DLG2: variants seen among roughly 807,000 people sequenced by gnomAD.
The protein encoded by DLG2 is disks large homolog 2.
Under a neutral mutation model 132.5 loss-of-function variants are expected in DLG2, and 45 were observed. That is an observed-to-expected ratio of 0.34 (90% confidence interval 0.27 to 0.44). DLG2 has a LOEUF of 0.44. DLG2 is among the 20% of genes least tolerant of loss of function. The pLI is 1.00. For missense variants in DLG2, 1,045 were observed against 1,196.9 expected (o/e 0.87, Z 1.87); for synonymous variants, 424 against 419.6 (o/e 1.01, Z -0.13).
Position 83,645,378 on chromosome 11 carries a change from A to G in DLG2, c.1826-12053T>C, listed in dbSNP as rs78556749. Among the ~76,000 whole-genome samples, 891 of 152,262 alleles carry G rather than the reference A, an allele frequency of 5.9e-3. 8 individuals carry two copies. Among genetic ancestry groups the G allele is most frequent in the African/African-American group, 0.019 (788 of 41,576 alleles). On this transcript the variant is annotated intron_variant, in intron 18 of 27. Transcript: ENST00000376104. ...TTGAAGCAATTTATACACTTTAACA[A>G]TTGAAGCAATTTATACACCAGAGCC...
intron 11 of DLG2, among the ~76,000 whole-genome samples, chr11:84,052,351 C>G (rs1327007103): frequency 6.6e-6 from 1 of 151,680 alleles, no homozygotes; most frequent in East Asian, 1.9e-4. Context: ...TCTGGAATCG[C>G]TAAATATTAA....
chr11:84,182,974 A>C (rs75785273), intron 8 of DLG2, among the ~76,000 whole-genome samples: 2,845 of 152,294 alleles, frequency 0.019, 63 homozygotes, highest in African/African-American at 0.063. Context: ...TTATGCTGGC[A>C]AATTTTATAA....
intron 6 of DLG2, among the ~76,000 whole-genome samples, chr11:84,766,361 T>C (rs565068693): frequency 7.5e-4 from 114 of 152,194 alleles, no homozygotes; most frequent in African/African-American, 2.7e-3. Context: ...ATTTTACATC[T>C]ATTTGAAATT....
At chr11:83,877,015 C>CT (rs1209503695) in intron 15 of DLG2, among the ~76,000 whole-genome samples, 1 of 151,988 alleles carries the variant, frequency 6.6e-6, no homozygotes, top group Non-Finnish European at 1.5e-5. Flanking sequence ...ATATCAATTA[C>CT]TTTTTTCTTA....
chr11:85,467,658 G>T (rs1455653705), intron 3 of DLG2, among the ~76,000 whole-genome samples: 1 of 152,170 alleles, frequency 6.6e-6, no homozygotes, highest in Non-Finnish European at 1.5e-5. Flanking sequence ...CAGGGATGAA[G>T]CCCACTTGAT....
At chr11:84,237,659 C>A (rs1034901981) in intron 8 of DLG2, among the ~76,000 whole-genome samples, 2 of 152,160 alleles carry the variant, frequency 1.3e-5, no homozygotes, top group Non-Finnish European at 1.5e-5. Context: ...GTTCATCCAG[C>A]TCTTCGTGTA....
chr11:85,031,474 T>A (rs183130650), intron 6 of DLG2, among the ~76,000 whole-genome samples: 14 of 152,302 alleles, frequency 9.2e-5, no homozygotes, highest in African/African-American at 3.4e-4. Flanking sequence ...TTTATATGTT[T>A]GGTTTGGTCC....
At chr11:85,026,030 T>C (rs908234806) in intron 6 of DLG2, among the ~76,000 whole-genome samples, 2 of 152,062 alleles carry the variant, frequency 1.3e-5, no homozygotes, top group African/African-American at 2.4e-5. Context: ...CAAAAAAATT[T>C]TGAAGTTATT....
At chr11:83,890,201 T>C (rs904953506) in intron 15 of DLG2, among the ~76,000 whole-genome samples, 2 of 152,148 alleles carry the variant, frequency 1.3e-5, no homozygotes, top group Non-Finnish European at 2.9e-5. Flanking sequence ...GATTTTCGTA[T>C]GCCAGCTAGG....
intron 6 of DLG2, among the ~76,000 whole-genome samples, chr11:84,618,250 G>A (rs996684335): frequency 2.6e-5 from 4 of 151,966 alleles, no homozygotes; most frequent in Admixed American, 2.0e-4. Flanking sequence ...TTACTAAAGG[G>A]ATTGTACTTA....
intron 4 of DLG2, among the ~76,000 whole-genome samples, chr11:85,278,524 T>G (rs1437741426): frequency 6.6e-6 from 1 of 151,848 alleles, no homozygotes; most frequent in Non-Finnish European, 1.5e-5. Flanking sequence ...CGCTTGAACC[T>G]GGGAGGTGGA....
intron 12 of DLG2, 52 bp downstream of exon 12, chr11:83,980,454 G>A (rs549838261): frequency 6.4e-7 from 1 of 1,568,272 alleles, no homozygotes; most frequent in South Asian, 1.2e-5. Context: ...TCATACACTG[G>A]AAAACAAGAG....
intron 6 of DLG2, among the ~76,000 whole-genome samples, chr11:84,731,779 G>C (rs552718449): frequency 6.6e-6 from 1 of 152,076 alleles, no homozygotes; most frequent in African/African-American, 2.4e-5. Context: ...TATTGGCGTA[G>C]AACTGACATA....
At chr11:84,736,807 CAT>C (rs1301356194) in intron 6 of DLG2, among the ~76,000 whole-genome samples, 1 of 151,936 alleles carries the variant, frequency 6.6e-6, no homozygotes, top group Non-Finnish European at 1.5e-5. Context: ...TCAGATATGA[CAT>C]GTCATCTGTA....
At chr11:84,502,128 C>CCTT (rs1291451611) in intron 7 of DLG2, among the ~76,000 whole-genome samples, 1 of 80,320 alleles carries the variant, frequency 1.2e-5, no homozygotes, top group Non-Finnish European at 2.8e-5. Flanking sequence ...CTCTCTTTCT[C>CCTT]TCTTTCTCCT....
chr11:84,175,797 A>G (rs2095947056), intron 8 of DLG2, among the ~76,000 whole-genome samples: 1 of 152,080 alleles, frequency 6.6e-6, no homozygotes, highest in South Asian at 2.1e-4. Context: ...TGCTTGTTAC[A>G]ATAAAGGTCA....
intron 3 of DLG2, among the ~76,000 whole-genome samples, chr11:85,588,045 G>C (rs1446645367): frequency 6.6e-6 from 1 of 152,134 alleles, no homozygotes; most frequent in Non-Finnish European, 1.5e-5. Flanking sequence ...CTGGCTTATA[G>C]GGTTTCTGCT....
chr11:84,966,804 A>G (rs1200876071), intron 6 of DLG2, among the ~76,000 whole-genome samples: 4 of 152,300 alleles, frequency 2.6e-5, no homozygotes, highest in Middle Eastern at 3.4e-3. Context: ...GACTTTCTAC[A>G]GTACACGGGA....
intron 4 of DLG2, among the ~76,000 whole-genome samples, chr11:85,240,336 T>TACAGATTTGATAAAATAAAGA (rs1390687399): frequency 1.3e-5 from 2 of 151,872 alleles, no homozygotes; most frequent in Non-Finnish European, 2.9e-5. Flanking sequence ...AGAAATCTTA[T>TACAGATTTGATAAAATAAAGA]GTTGATTACT....
Sources: gnomAD v4.1 joint callset for allele counts (sites outside exome capture counted in the v4.1 genomes callset) on GRCh38, gnomAD v4.1.1 for gene constraint, MANE v1.5 for transcripts, NCBI Gene and HGNC (gene_info 2026-07-23, HGNC 2026-07-21) for gene names.